Variants in SYCP1 observed in about 807,000 individuals in gnomAD.
The protein encoded by SYCP1 is cancer/testis antigen 8.
A neutral mutation model predicts 153.1 loss-of-function variants in SYCP1; 64 were observed. The ratio of observed to expected loss-of-function variants is 0.42; its 90% CI spans 0.34 to 0.51. The LOEUF (loss-of-function observed/expected upper bound fraction) is 0.51, where lower values mean the gene tolerates loss of function less well. Among genes scored for constraint, SYCP1 ranks in the 20% least tolerant of loss-of-function variants. The pLI is 0.06. For missense variants in SYCP1, 997 were observed against 1,049.0 expected (o/e 0.95, Z 0.68); for synonymous variants, 384 against 341.8 (o/e 1.12, Z -1.36).
intron 27 of SYCP1, among the ~76,000 whole-genome samples, chr1:114,964,447 C>A (rs1671978826): frequency 6.6e-6 from 1 of 151,936 alleles, no homozygotes; most frequent in African/African-American, 2.4e-5. Context: ...AAGTCTTTGC[C>A]CATGCCTATG....
chr1:114,979,218 C>T (rs887745071), intron 28 of SYCP1, among the ~76,000 whole-genome samples: 2 of 150,068 alleles, frequency 1.3e-5, no homozygotes, highest in African/African-American at 4.9e-5. Context: ...TGAGTTTGGA[C>T]AAGTTACTTA....
chr1:114,890,945 C>T (rs1355241587), intron 15 of SYCP1, among the ~76,000 whole-genome samples: 1 of 152,106 alleles, frequency 6.6e-6, no homozygotes, highest in East Asian at 1.9e-4. Flanking sequence ...ATGTAAAGAA[C>T]ATAATGGTAC....
intron 27 of SYCP1, among the ~76,000 whole-genome samples, chr1:114,958,669 C>T (rs1185526457): frequency 6.6e-6 from 1 of 150,948 alleles, no homozygotes; most frequent in Non-Finnish European, 1.5e-5. Context: ...GCCTGTAATC[C>T]CAGCACTTTG....
intron 20 of SYCP1, 90 bp downstream of exon 20, chr1:114,914,135 T>C: frequency 2.1e-6 from 2 of 940,306 alleles, no homozygotes; most frequent in Non-Finnish European, 3.1e-6. Flanking sequence ...TAAATTGGAC[T>C]GCTGTTGAAT....
rs761460084 is a variant in SYCP1 at position 114,858,600 on chromosome 1, G to A, written c.345G>A (p.Lys115=). Residue 115 remains lysine (K), a synonymous_variant, in exon 6 of 32, where the codon AAG becomes AAA. Transcript: ENST00000369522. ...VYSKLYKEAE[K]IKKWKVSTEA... Reference sequence around the variant, plus strand: ...CAAAACTGTATAAGGAGGCTGAAAAGATAAAAAAATGGAAAGTAAGTACAG... The same window carrying A: ...CAAAACTGTATAAGGAGGCTGAAAAAATAAAAAAATGGAAAGTAAGTACAG... The A allele has an allele frequency of 3.3e-5, 54 of 1,612,674 alleles. No homozygotes were observed. The South Asian group carries it at 5.6e-4, about 17-fold the overall frequency.
chr1:114,979,733 A>G (rs901046661), intron 28 of SYCP1, among the ~76,000 whole-genome samples: 6 of 151,864 alleles, frequency 4.0e-5, no homozygotes, highest in African/African-American at 1.4e-4. Flanking sequence ...GAAATGACAG[A>G]TCACTAGAAT....
rs1666408279 is a variant in SYCP1 at position 114,887,678 on chromosome 1, A to C, written c.1243A>C (p.Lys415Gln). 1 of 1,553,904 alleles carries C rather than the reference A, an allele frequency of 6.4e-7. No individual in the cohort carries two copies. Among genetic ancestry groups the C allele is most frequent in the African/African-American group, 1.4e-5 (1 of 73,174 alleles). The change falls in exon 15 of 32, where the codon AAA becomes CAA. Residue 415 changes from lysine to glutamine, a missense_variant. By Grantham distance (53) the Lys-to-Gln change is moderately conservative (BLOSUM62 1). This residue lies in a region of SYCP1 where 712 missense variants were observed against 682.9 expected (regional missense o/e 1.04). Coordinates refer to ENST00000369522, the MANE Select transcript of SYCP1 (RefSeq NM_003176.4). ...LKILTMELQK[K>Q]SSELEEMTKL... ...AATACTTACCATGGAGCTTCAAAAG[A>C]AATCAAGTGAGCTGGGTAAGACTTA...
At chr1:114,962,585 A>G (rs556152241) in intron 27 of SYCP1, among the ~76,000 whole-genome samples, 45 of 152,280 alleles carry the variant, frequency 3.0e-4, no homozygotes, top group Admixed American at 1.6e-3. Context: ...CCTTAAAGAC[A>G]GCACATACTT....
intron 30 of SYCP1, among the ~76,000 whole-genome samples, chr1:114,990,529 A>G (rs1198316845): frequency 1.3e-5 from 2 of 151,972 alleles, no homozygotes; most frequent in Non-Finnish European, 2.9e-5. Context: ...AAGAAAGTCA[A>G]TGAAACCAAA....
chr1:114,885,162 A>C, intron 12 of SYCP1, among the ~76,000 whole-genome samples: 1 of 152,060 alleles, frequency 6.6e-6, no homozygotes, highest in South Asian at 2.1e-4. Context: ...TTTTTATTCT[A>C]TGTTTTATGA....
At chr1:114,929,785 T>A (rs1038646345) in intron 23 of SYCP1, among the ~76,000 whole-genome samples, 1 of 152,078 alleles carries the variant, frequency 6.6e-6, no homozygotes, top group African/African-American at 2.4e-5. Context: ...TTTCAGCAAC[T>A]GATAGAACAA....
intron 12 of SYCP1, among the ~76,000 whole-genome samples, chr1:114,885,297 C>T (rs934324667): frequency 1.3e-5 from 2 of 151,962 alleles, no homozygotes; most frequent in African/African-American, 4.8e-5. Context: ...TAATGTTTTG[C>T]TATTATAAAA....
At chr1:114,873,640 G>A (rs1665319525) in intron 8 of SYCP1, among the ~76,000 whole-genome samples, 1 of 152,198 alleles carries the variant, frequency 6.6e-6, no homozygotes, top group African/African-American at 2.4e-5. Flanking sequence ...GGCTTTTCCT[G>A]TTAGAAGCAC....
In SYCP1 at chr1:114,857,483, G is replaced by A. The variant is rs570746669; in HGVS notation, c.277G>A (p.Asp93Asn). 2 of 1,599,770 alleles carry A rather than the reference G, an allele frequency of 1.3e-6. No individual in the cohort carries two copies. The highest frequency in any genetic ancestry group is 3.4e-5 in the Admixed American group (2 of 58,674). Residue 93 changes from aspartate (D) to asparagine (N), a missense_variant, in exon 5 of 32, where the codon GAC becomes AAC. By Grantham distance (23) the Asp-to-Asn change is conservative (BLOSUM62 1). Coordinates refer to ENST00000369522, the MANE Select transcript of SYCP1 (RefSeq NM_003176.4). ...SDCHYQEGLK[D>N]SDLENSEGLS... Reference sequence around the variant, plus strand: ...CTGTCACTATCAGGAAGGACTAAAAGACTCTGATTTGGAGGTCAGAAGATT... The same window carrying A: ...CTGTCACTATCAGGAAGGACTAAAAAACTCTGATTTGGAGGTCAGAAGATT...
At chr1:114,903,797 A>G (rs760519042) in intron 16 of SYCP1, among the ~76,000 whole-genome samples, 1 of 152,218 alleles carries the variant, frequency 6.6e-6, no homozygotes, top group African/African-American at 2.4e-5. Flanking sequence ...TCGTAGTAGT[A>G]GTGAGAAAAA....
intron 16 of SYCP1, among the ~76,000 whole-genome samples, chr1:114,897,419 C>T (rs931176316): frequency 6.6e-6 from 1 of 152,048 alleles, no homozygotes; most frequent in Admixed American, 6.6e-5. Flanking sequence ...CTCAAAAATC[C>T]CAAGGCCTTT....
chr1:114,947,100 T>A (rs1670757819), intron 26 of SYCP1, 146 bp from the exon 27 acceptor site: 4 of 679,036 alleles, frequency 5.9e-6, no homozygotes, highest in Non-Finnish European at 4.9e-6. Flanking sequence ...GCAGCCTTTA[T>A]ATCAGTTGAC....
chr1:114,988,237 AAG>A (rs1221101191), intron 30 of SYCP1, among the ~76,000 whole-genome samples: 3 of 151,560 alleles, frequency 2.0e-5, no homozygotes, highest in East Asian at 1.9e-4. Context: ...GAGAGAGAAA[AAG>A]AGAGAGAGAG....
rs201424715 is a variant in SYCP1, at chr1:114,943,519, CA to C, written c.1927-812del. On this transcript the variant is annotated intron_variant, in intron 23 of 31. Transcript: ENST00000369522. ...ACTATGAAAACATTTATATGAAGTT[CA>C]AAAAAAATCTTGAAATATTGTTTAG... Among the ~76,000 whole-genome samples the C allele has an allele frequency of 8.7e-4, 131 of 151,082 alleles. 3 individuals carry two copies. The East Asian group carries it at 0.021, about 24-fold the overall frequency.
Sources: gnomAD v4.1 joint callset for allele counts (sites outside exome capture counted in the v4.1 genomes callset) on GRCh38, gnomAD v4.1.1 for gene constraint, gnomAD v4.1.1 regional missense constraint, MANE v1.5 for transcripts, NCBI Gene and HGNC (gene_info 2026-07-23, HGNC 2026-07-21) for gene names.